The following ANKS1B variants were observed in gnomAD, a reference collection of about 807,000 sequenced individuals.
ANKS1B encodes the protein ankyrin repeat and sterile alpha motif domain-containing protein 1B.
In ANKS1B, 36 loss-of-function variants were observed where a neutral mutation model predicts 148.3. The ratio of observed to expected loss-of-function variants is 0.24; its 90% CI spans 0.19 to 0.32. The LOEUF is 0.32. Ranked by LOEUF, ANKS1B falls within the 10% of genes least tolerant of loss-of-function variation. ANKS1B has a pLI of 1.00. For synonymous variants in ANKS1B, 542 were observed against 560.8 expected, an observed-to-expected ratio of 0.97 and a Z score of 0.47; for missense variants, 1,157 against 1,542.6, an observed-to-expected ratio of 0.75 and a Z score of 4.19.
At chr12:99,787,011 T>A (rs903790193) in intron 4 of ANKS1B, among the ~76,000 whole-genome samples, 1 of 152,154 alleles carries the variant, frequency 6.6e-6, no homozygotes, top group African/African-American at 2.4e-5. Flanking sequence ...TGACCAGATG[T>A]GAAAATGAAT....
intron 9 of ANKS1B, among the ~76,000 whole-genome samples, chr12:99,568,707 C>T (rs2097422453): frequency 6.6e-6 from 1 of 152,134 alleles, no homozygotes. Context: ...TGTTAAGTAA[C>T]ATCATGTTCT....
intron 17 of ANKS1B, among the ~76,000 whole-genome samples, chr12:98,977,514 T>C (rs75172758): frequency 6.6e-6 from 1 of 152,326 alleles, no homozygotes; most frequent in East Asian, 1.9e-4. Context: ...TATGTTTAAA[T>C]GCCACATATT....
chr12:99,148,333 T>C (rs976334985), intron 15 of ANKS1B, among the ~76,000 whole-genome samples: 8 of 152,140 alleles, frequency 5.3e-5, no homozygotes, highest in African/African-American at 1.4e-4. Context: ...GGGCAGCATA[T>C]TTTAATGCTT....
chr12:99,765,489 A>C lies in ANKS1B; in HGVS notation c.1128+7433T>G, dbSNP rs550894601. 3.3e-5 allele frequency among the ~76,000 whole-genome samples: 5 copies of C among 152,268 alleles called. No homozygotes were observed. The South Asian group carries it at 1.0e-3, about 32-fold the overall frequency. ...TATTTATACCATTGATTTTTAAGGA[A>C]TCTAAATATAAGATTTTATACTAAC... On this transcript the variant is annotated intron_variant, in intron 8 of 26. Coordinates refer to ENST00000683438, the MANE Select transcript of ANKS1B (RefSeq NM_001352186.2).
intron 1 of ANKS1B, among the ~76,000 whole-genome samples, chr12:99,884,689 A>G (rs2092725950): frequency 6.6e-6 from 1 of 152,194 alleles, no homozygotes; most frequent in Admixed American, 6.5e-5. Context: ...TTCTGGAAAA[A>G]GCAAAAAAAC....
At chr12:99,137,701 C>T (rs2068632008) in intron 15 of ANKS1B, among the ~76,000 whole-genome samples, 1 of 151,856 alleles carries the variant, frequency 6.6e-6, no homozygotes, top group Non-Finnish European at 1.5e-5. Flanking sequence ...TCATTTCTTC[C>T]CCTGCCCACT....
chr12:99,864,164 C>T (rs1434229255), intron 1 of ANKS1B, among the ~76,000 whole-genome samples: 1 of 151,662 alleles, frequency 6.6e-6, no homozygotes, highest in Non-Finnish European at 1.5e-5. Flanking sequence ...TTACCCAGGC[C>T]TCTCACTTAA....
In ANKS1B at chr12:98,794,150, G is replaced by A. The variant is rs543149710; in HGVS notation, c.3342+4784C>T. 9.1e-4 allele frequency among the ~76,000 whole-genome samples: 138 copies of A among 152,170 alleles called. 1 individual carries two copies. Among genetic ancestry groups the A allele is most frequent in the Non-Finnish European group, 1.8e-3 (119 of 67,996 alleles). ...CTCACGCCTGTAATCCCAGCACTTT[G>A]GGAGGCCAAGGCGGGTGGATTACTT... On this transcript the variant is annotated intron_variant, in intron 22 of 26. Coordinates refer to ENST00000683438, the MANE Select transcript of ANKS1B (RefSeq NM_001352186.2).
chr12:99,020,619 G>A (rs1469069259), intron 17 of ANKS1B, among the ~76,000 whole-genome samples: 1 of 152,032 alleles, frequency 6.6e-6, no homozygotes, highest in Non-Finnish European at 1.5e-5. Context: ...ATTTGTTAGT[G>A]ATTTTAAATT....
At chr12:98,980,795 T>C (rs2099908927) in intron 17 of ANKS1B, among the ~76,000 whole-genome samples, 1 of 152,120 alleles carries the variant, frequency 6.6e-6, no homozygotes. Flanking sequence ...CTCTCCAAAC[T>C]CCAGTCTCTG....
chr12:99,523,417 A>C (rs1377247852), intron 9 of ANKS1B, among the ~76,000 whole-genome samples: 1 of 152,250 alleles, frequency 6.6e-6, no homozygotes, highest in East Asian at 1.9e-4. Flanking sequence ...AGATGGTAAC[A>C]GGGACAGATA....
chr12:99,482,032 T>C (rs746180338), intron 10 of ANKS1B, among the ~76,000 whole-genome samples: 1 of 152,036 alleles, frequency 6.6e-6, no homozygotes, highest in Non-Finnish European at 1.5e-5. Flanking sequence ...AGTGTTTTAG[T>C]TTAATTAGGT....
intron 14 of ANKS1B, among the ~76,000 whole-genome samples, chr12:99,190,146 C>A (rs2080454665): frequency 6.6e-6 from 1 of 152,068 alleles, no homozygotes. Context: ...ATGTGAAGGA[C>A]CTCTTCAAGG....
At chr12:99,973,160 C>T (rs1173486093) in intron 1 of ANKS1B, among the ~76,000 whole-genome samples, 5 of 152,226 alleles carry the variant, frequency 3.3e-5, no homozygotes, top group African/African-American at 1.2e-4. Flanking sequence ...TCCATGCCTG[C>T]TAACACAACA....
At chr12:99,243,088 C>A (rs1191474346) in intron 14 of ANKS1B, among the ~76,000 whole-genome samples, 1 of 152,066 alleles carries the variant, frequency 6.6e-6, no homozygotes, top group Non-Finnish European at 1.5e-5. Context: ...AAAGAAAAGG[C>A]AACCTACAGA....
At chr12:99,369,060 C>G (rs573594557) in intron 12 of ANKS1B, among the ~76,000 whole-genome samples, 1 of 152,138 alleles carries the variant, frequency 6.6e-6, no homozygotes, top group South Asian at 2.1e-4. Flanking sequence ...TCATTTACCC[C>G]ACAGTTTACT....
chr12:99,924,744 C>A (rs1319065552), intron 1 of ANKS1B, among the ~76,000 whole-genome samples: 1 of 152,014 alleles, frequency 6.6e-6, no homozygotes, highest in Non-Finnish European at 1.5e-5. Context: ...GAGAGAGGGC[C>A]CTACCAGACA....
chr12:99,859,635 G>A (rs986611920), intron 1 of ANKS1B, among the ~76,000 whole-genome samples: 1 of 151,350 alleles, frequency 6.6e-6, no homozygotes, highest in Non-Finnish European at 1.5e-5. Flanking sequence ...ACTGTTGAAA[G>A]TTTTTTGTTT....
At chr12:99,427,175 T>C (rs1419889874) in intron 11 of ANKS1B, among the ~76,000 whole-genome samples, 2 of 152,238 alleles carry the variant, frequency 1.3e-5, no homozygotes, top group Non-Finnish European at 2.9e-5. Context: ...AGAGTGATCT[T>C]TTAAAAATGT....
Sources: gnomAD v4.1 joint callset for allele counts (sites outside exome capture counted in the v4.1 genomes callset) on GRCh38, gnomAD v4.1.1 for gene constraint, MANE v1.5 for transcripts, NCBI Gene and HGNC (gene_info 2026-07-23, HGNC 2026-07-21) for gene names.